The following FAM193A variants were observed in gnomAD, a reference collection of about 807,000 sequenced individuals.
FAM193A encodes family with sequence similarity 193 member A, also known as protein FAM193A.
A neutral mutation model predicts 126.5 loss-of-function variants in FAM193A; 22 were observed. That is an observed-to-expected ratio of 0.17 (90% CI 0.12 to 0.25). FAM193A has a LOEUF of 0.25. Ranked by LOEUF, FAM193A falls within the 10% of genes least tolerant of loss-of-function variation. The probability of loss-of-function intolerance (pLI) is 1.00; values close to 1 mark genes in which losing one functional copy is unlikely to be tolerated. For missense variants in FAM193A, 1,675 were observed against 1,672.8 expected (o/e 1.00, Z -0.02); for synonymous variants, 761 against 646.8 (o/e 1.18, Z -2.68).
chr4:2,651,813 G>A (rs1745698645), intron 7 of FAM193A, among the ~76,000 whole-genome samples: 1 of 152,208 alleles, frequency 6.6e-6, no homozygotes, highest in East Asian at 1.9e-4. Flanking sequence ...AGCATAAGAG[G>A]TTGCTGGCCT....
chr4:2,590,501 AAAAAC>A (rs1322313500), intron 1 of FAM193A, among the ~76,000 whole-genome samples: 1,608 of 43,644 alleles, frequency 0.037, 351 homozygotes, highest in African/African-American at 0.17. Context: ...AAAAACAAAA[AAAAAC>A]AAAAAAAAAA....
intron 1 of FAM193A, among the ~76,000 whole-genome samples, chr4:2,587,473 G>A (rs1740297101): frequency 6.6e-6 from 1 of 152,126 alleles, no homozygotes; most frequent in Admixed American, 6.5e-5. Flanking sequence ...TGAAAGGATC[G>A]CTTGAGCCCA....
At chr4:2,593,217 G>T (rs1437998008) in intron 1 of FAM193A, among the ~76,000 whole-genome samples, 7 of 152,126 alleles carry the variant, frequency 4.6e-5, no homozygotes, top group African/African-American at 1.4e-4. Flanking sequence ...CCTTCCTGCA[G>T]CCCTGGTCCA....
chr4:2,689,842 C>A (rs1383000829), intron 14 of FAM193A, 138 bp downstream of exon 14: 8 of 604,164 alleles, frequency 1.3e-5, no homozygotes, highest in Non-Finnish European at 1.7e-5. Flanking sequence ...AGTGGGAGGC[C>A]CCTCGGGGCT....
chr4:2,587,125 G>C (rs1740280571), intron 1 of FAM193A, among the ~76,000 whole-genome samples: 1 of 152,144 alleles, frequency 6.6e-6, no homozygotes, highest in South Asian at 2.1e-4. Flanking sequence ...TTTGCTCCTG[G>C]TTCTGCAAGC....
At chr4:2,703,844 C>T (rs1043384660) in intron 19 of FAM193A, among the ~76,000 whole-genome samples, 5 of 150,776 alleles carry the variant, frequency 3.3e-5, no homozygotes, top group Admixed American at 2.0e-4. Context: ...TGGTGGTGCA[C>T]GCCTGTAGTC....
At chr4:2,602,959 CTTTTTTTTTTTTTTT>C (rs71178487) in intron 2 of FAM193A, among the ~76,000 whole-genome samples, 7 of 42,296 alleles carry the variant, frequency 1.7e-4, no homozygotes, top group Admixed American at 4.2e-4. Flanking sequence ...TGCACCCGGC[CTTTTTTTTTTTTTTT>C]TTTTTTTTTT....
chr4:2,559,849 T>C (rs1204314286), intron 1 of FAM193A, among the ~76,000 whole-genome samples: 1 of 152,222 alleles, frequency 6.6e-6, no homozygotes, highest in East Asian at 1.9e-4. Flanking sequence ...GCGGTGCCTG[T>C]TGGGTGCTGC....
chr4:2,680,886 C>T (rs920360011), intron 13 of FAM193A, among the ~76,000 whole-genome samples: 1 of 151,024 alleles, frequency 6.6e-6, no homozygotes, highest in Non-Finnish European at 1.5e-5. Flanking sequence ...AGGTGATCCA[C>T]CCACCTGGAC....
chr4:2,603,513 G>T (rs1350472145), intron 2 of FAM193A, among the ~76,000 whole-genome samples: 30 of 141,378 alleles, frequency 2.1e-4, no homozygotes, highest in Non-Finnish European at 4.4e-4. Flanking sequence ...CTGGAGTGCA[G>T]TGGTGCGATC....
intron 1 of FAM193A, among the ~76,000 whole-genome samples, chr4:2,562,993 G>A (rs1272449798): frequency 6.6e-6 from 1 of 151,510 alleles, no homozygotes; most frequent in Non-Finnish European, 1.5e-5. Flanking sequence ...CGCCCAGGCT[G>A]GAGTGCAGTG....
intron 19 of FAM193A, among the ~76,000 whole-genome samples, chr4:2,714,059 C>G (rs546123619): frequency 3.4e-4 from 52 of 152,308 alleles, no homozygotes; most frequent in African/African-American, 1.1e-3. Context: ...GACAGCACTT[C>G]CAGCAGACAT....
At chr4:2,552,847 CTT>C (rs5855745) in intron 1 of FAM193A, among the ~76,000 whole-genome samples, 94 of 119,348 alleles carry the variant, frequency 7.9e-4, no homozygotes, top group African/African-American at 2.4e-3. Flanking sequence ...ACAGAACTTT[CTT>C]TTTTTTTTTT....
In FAM193A at chr4:2,689,492, A is replaced by T. The variant is rs1446972926; in HGVS notation, c.2332-14A>T. ...ATTAATTTTGATATGTGATTAGAAA[A>T]TTTTTTTTTGTAGGCTTTACCGCCA... On this transcript the variant is annotated splice_polypyrimidine_tract_variant and intron_variant, in intron 13 of 20. Transcript: ENST00000637812. 4 of 1,533,404 alleles carry T rather than the reference A, an allele frequency of 2.6e-6. No individual in the cohort carries two copies. Among genetic ancestry groups the T allele is most frequent in the Non-Finnish European group, 2.6e-6 (3 of 1,147,188 alleles). The allele number at this position is 1,533,404 out of a possible 1,614,324, so 95.0% of individuals were successfully genotyped here.
chr4:2,548,723 C>G (rs567608249), intron 1 of FAM193A, among the ~76,000 whole-genome samples: 4 of 151,906 alleles, frequency 2.6e-5, no homozygotes, highest in African/African-American at 9.6e-5. Context: ...TCCCAAAGTG[C>G]TGGGATTATA....
intron 2 of FAM193A, among the ~76,000 whole-genome samples, chr4:2,617,248 A>ATATATATATATATATATATATATAGT (rs1742253583): frequency 2.3e-5 from 1 of 42,586 alleles, no homozygotes; most frequent in Non-Finnish European, 4.3e-5. Context: ...TATTATATAT[A>ATATATATATATATATATATATATAGT]TATATATATA....
intron 13 of FAM193A, among the ~76,000 whole-genome samples, chr4:2,683,284 C>T (rs1315574166): frequency 1.4e-5 from 2 of 142,258 alleles, no homozygotes; most frequent in African/African-American, 2.6e-5. Flanking sequence ...AAGATTTTCT[C>T]TTTTTTTTTT....
At chr4:2,567,851 C>T (rs990595806) in intron 1 of FAM193A, among the ~76,000 whole-genome samples, 2 of 152,290 alleles carry the variant, frequency 1.3e-5, no homozygotes, top group East Asian at 3.9e-4. Flanking sequence ...ACAGGGACTT[C>T]TTGGGCACCT....
At chr4:2,705,276 C>G (rs2109329671) in intron 19 of FAM193A, among the ~76,000 whole-genome samples, 1 of 152,314 alleles carries the variant, frequency 6.6e-6, no homozygotes, top group Admixed American at 6.5e-5. Flanking sequence ...ACATTCTCTC[C>G]CAGTTCATAA....
Sources: gnomAD v4.1 joint callset for allele counts (sites outside exome capture counted in the v4.1 genomes callset) on GRCh38, gnomAD v4.1.1 for gene constraint, MANE v1.5 for transcripts, NCBI Gene and HGNC (gene_info 2026-07-23, HGNC 2026-07-21) for gene names.